CCNG1: variants seen among roughly 807,000 people sequenced by gnomAD.
CCNG1 encodes cyclin G1.
Under a neutral mutation model 30.0 loss-of-function variants are expected in CCNG1, and 13 were observed. That is an observed-to-expected ratio of 0.43 (90% CI 0.28 to 0.69). The LOEUF (loss-of-function observed/expected upper bound fraction) is 0.69. Ranked by LOEUF, CCNG1 falls within the 30% of genes least tolerant of loss-of-function variation. The pLI is 0.16. For missense variants in CCNG1, 285 were observed against 331.4 expected, an observed-to-expected ratio of 0.86 and a Z score of 1.09; for synonymous variants, 110 against 121.5, an observed-to-expected ratio of 0.91 and a Z score of 0.62.
downstream of CCNG1, among the ~76,000 whole-genome samples, chr5:163,445,331 G>GT (rs1207650790): frequency 2.0e-5 from 3 of 148,508 alleles, no homozygotes; most frequent in African/African-American, 5.0e-5. Context: ...ACTTTGTTTT[G>GT]TTTTTTCTGA....
chr5:163,448,549 A>G (rs1355680251), downstream of CCNG1: 1 of 152,222 alleles, frequency 6.6e-6, no homozygotes, highest in African/African-American at 2.4e-5. Flanking sequence ...TAGCAAATTC[A>G]TAAAACATTT....
downstream of CCNG1, chr5:163,447,484 T>C (rs1758067823): frequency 1.3e-5 from 2 of 149,882 alleles, no homozygotes; most frequent in South Asian, 4.2e-4. Context: ...AGTGGTAGCA[T>C]TAAAAGGAGG....
intron 1 of CCNG1, among the ~76,000 whole-genome samples, chr5:163,438,113 G>A (rs1757583405): frequency 6.6e-6 from 1 of 152,138 alleles, no homozygotes; most frequent in Non-Finnish European, 1.5e-5. Context: ...GTTGGTGTGG[G>A]AGGGACCTTC....
chr5:163,457,200 C>T, the CCNG1 span: 8 of 1,066,692 alleles, frequency 7.5e-6, no homozygotes, highest in East Asian at 8.2e-5. Flanking sequence ...GGCTTGATCT[C>T]GGCTCACTGA....
rs776129993 is a variant in CCNG1 at position 163,441,871 on chromosome 5, A to AT, written c.519-11dup. 2.6e-6 allele frequency: 4 copies of AT among 1,512,054 alleles called. No homozygotes were observed. 93.7% of individuals were successfully genotyped at this position (1,512,054 alleles called of 1,614,324 possible). ...AGTATTACCTAATAAAAGTAATACC[A>AT]TTTTCTTTTTAAAGGAGAAATAGCA... On this transcript the variant is annotated splice_polypyrimidine_tract_variant and intron_variant, in intron 3 of 6. Coordinates refer to ENST00000340828, the MANE Select transcript of CCNG1 (RefSeq NM_004060.4).
At chr5:163,439,159 A>T in intron 1 of CCNG1, 98 bp from the exon 2 acceptor site, 1 of 1,017,506 alleles carries the variant, frequency 9.8e-7, no homozygotes, top group Non-Finnish European at 1.5e-6. Flanking sequence ...GGGGGATGGG[A>T]GGCTTATAAA....
At position 163,443,729 on chromosome 5, in the gene CCNG1, T is replaced by C. The variant is rs766545484; in HGVS notation, c.*59T>C. 5.9e-6 allele frequency: 9 copies of C among 1,526,070 alleles called. No homozygotes were observed. In the South Asian group the frequency reaches 1.1e-4, roughly 18 times the overall value. 94.5% of individuals were successfully genotyped at this position (1,526,070 alleles called of 1,614,324 possible). On this transcript the variant is annotated 3_prime_UTR_variant, in exon 7 of 7. Transcript: ENST00000340828. The stretch of plus-strand genomic sequence containing the variant: ...AGCCTTTCTCCACAACCTTGTTCTA[T>C]GGATTCCATAATGTTACAATGGATT...
At chr5:163,441,818 T>G in intron 3 of CCNG1, 68 bp from the exon 4 acceptor site, 1 of 970,618 alleles carries the variant, frequency 1.0e-6, no homozygotes, top group Non-Finnish European at 1.6e-6. Flanking sequence ...CTTCAATGTT[T>G]TTCTAAAAAC....
chr5:163,443,898 G>T lies in CCNG1; in HGVS notation c.*228G>T, dbSNP rs1757953152. 1.9e-6 allele frequency: 1 copy of T among 524,248 alleles called. No individual in the cohort carries two copies. Among genetic ancestry groups the T allele is most frequent in the Non-Finnish European group, 3.3e-6 (1 of 298,662 alleles). 32.5% of individuals were successfully genotyped at this position (524,248 alleles called of 1,614,324 possible). A position where few individuals can be genotyped will look rare whatever the true frequency, so the allele number is the denominator to read the frequency against. On this transcript the variant is annotated 3_prime_UTR_variant, in exon 7 of 7. Coordinates refer to ENST00000340828, the MANE Select transcript of CCNG1 (RefSeq NM_004060.4). ...TCAAATCAAAGCTAAAAGCCTAAAT[G>T]TGAAATGCTAATGACAAGCCTGAGA...
chr5:163,445,243 TTTAAA>T (rs1343189578), downstream of CCNG1, among the ~76,000 whole-genome samples: 1 of 152,176 alleles, frequency 6.6e-6, no homozygotes, highest in Non-Finnish European at 1.5e-5. Context: ...ACTCAGTATA[TTTAAA>T]TTTAGTACTA....
Position 163,441,080 on chromosome 5 carries a change from A to G in CCNG1, c.267A>G (p.Val89=). The change falls in exon 3 of 7, where the codon GTA becomes GTG. Residue 89 remains valine, a splice_region_variant and synonymous_variant. Transcript: ENST00000340828. ...TGGTTTTGTTTTTGATTTTTTAGGT[A>G]CAGCCCAAGCACCTTGGGTGTGTTG... ...LLDRFLSKMK[V]QPKHLGCVGL... 4.3e-6 allele frequency: 7 copies of G among 1,610,682 alleles called. No homozygotes were observed. The highest frequency in any genetic ancestry group is 5.9e-6 in the Non-Finnish European group (7 of 1,178,714).
At chr5:163,453,126 G>A in the CCNG1 span, 76 of 152,118 alleles carry the variant, frequency 5.0e-4, 1 homozygote, top group Admixed American at 2.7e-3. Flanking sequence ...AAATGGTTCA[G>A]AAAGAAAAAA....
the CCNG1 span, among the ~76,000 whole-genome samples, chr5:163,455,322 G>A: frequency 6.6e-6 from 1 of 152,200 alleles, no homozygotes; most frequent in Non-Finnish European, 1.5e-5. Flanking sequence ...CAGCAAACAG[G>A]CCAGTATGGC....
At chr5:163,455,782 C>G in the CCNG1 span, among the ~76,000 whole-genome samples, 1 of 150,454 alleles carries the variant, frequency 6.6e-6, no homozygotes, top group African/African-American at 2.4e-5. Flanking sequence ...TTTGAGAAGA[C>G]TATGGCAAGA....
chr5:163,454,073 T>C, the CCNG1 span: 4 of 1,298,126 alleles, frequency 3.1e-6, no homozygotes, highest in Non-Finnish European at 4.2e-6. Context: ...AACATATATA[T>C]AATGAAATAA....
chr5:163,453,995 C>T, the CCNG1 span: 1 of 1,550,494 alleles, frequency 6.4e-7, no homozygotes, highest in Non-Finnish European at 8.7e-7. Flanking sequence ...GAAATCTGGT[C>T]CACCTTTAGT....
At chr5:163,443,243 C>T (rs2069363) in intron 6 of CCNG1, among the ~76,000 whole-genome samples, 4,949 of 147,360 alleles carry the variant, frequency 0.034, 236 homozygotes, top group African/African-American at 0.12. Context: ...ACCCGGGAGG[C>T]GGAGTTTGCA....
intron 5 of CCNG1, 44 bp downstream of exon 5, chr5:163,442,187 G>C (rs369000594): frequency 1.1e-5 from 15 of 1,326,446 alleles, no homozygotes; most frequent in Non-Finnish European, 1.5e-5. Flanking sequence ...AGCTGTAAAA[G>C]AAACTAAACC....
the CCNG1 span, chr5:163,453,552 A>G: frequency 6.5e-6 from 1 of 152,864 alleles, no homozygotes; most frequent in Non-Finnish European, 1.5e-5. Context: ...GTGAATTGTT[A>G]TACTTAGACA....
Sources: allele counts gnomAD v4.1 joint callset (sites outside exome capture counted in the v4.1 genomes callset), GRCh38; gene constraint gnomAD v4.1.1; transcripts MANE v1.5; gene names NCBI Gene and HGNC (gene_info 2026-07-23, HGNC 2026-07-21).